The following ZFHX4 variants were observed in gnomAD, a reference collection of about 807,000 sequenced individuals.
ZFHX4 encodes zinc finger homeobox 4, also known as zinc finger homeobox protein 4.
A neutral mutation model predicts 267.6 loss-of-function variants in ZFHX4; 56 were observed. That is an observed-to-expected ratio of 0.21 (90% CI 0.17 to 0.26). The LOEUF (loss-of-function observed/expected upper bound fraction) is 0.26. Among genes scored for constraint, ZFHX4 ranks in the 10% least tolerant of loss-of-function variants. The probability of loss-of-function intolerance (pLI) is 1.00; values close to 1 mark genes in which losing one functional copy is unlikely to be tolerated. For missense variants in ZFHX4, 4,332 were observed against 4,420.0 expected (o/e 0.98, Z 0.56); for synonymous variants, 1,778 against 1,665.6 (o/e 1.07, Z -1.64).
intron 3 of ZFHX4, among the ~76,000 whole-genome samples, chr8:76,740,758 G>C (rs1042363474): frequency 1.3e-4 from 20 of 152,144 alleles, no homozygotes; most frequent in African/African-American, 4.8e-4. Flanking sequence ...GCTAGAAATA[G>C]GTGACAAAAG....
At chr8:76,792,718 A>G (rs1026176088) in intron 4 of ZFHX4, among the ~76,000 whole-genome samples, 2 of 152,190 alleles carry the variant, frequency 1.3e-5, no homozygotes, top group African/African-American at 4.8e-5. Context: ...CAAGGTGCCC[A>G]TGGCTGTATT....
At chr8:76,794,876 T>C (rs188903893) in intron 4 of ZFHX4, among the ~76,000 whole-genome samples, 2,823 of 113,844 alleles carry the variant, frequency 0.025, 153 homozygotes, top group East Asian at 0.19. Flanking sequence ...CCTGTCATTG[T>C]GTGTGTGTGT....
intron 4 of ZFHX4, among the ~76,000 whole-genome samples, chr8:76,802,687 G>A (rs533375633): frequency 2.0e-5 from 3 of 152,204 alleles, no homozygotes; most frequent in East Asian, 3.9e-4. Context: ...GCATTAAACC[G>A]AATGGTTACC....
intron 1 of ZFHX4, among the ~76,000 whole-genome samples, chr8:76,690,518 T>C (rs573586496): frequency 1.4e-3 from 217 of 152,182 alleles, no homozygotes; most frequent in Non-Finnish European, 1.4e-3. Flanking sequence ...AAACCTGAAA[T>C]ACTTTGCTAA....
chr8:76,801,942 G>A (rs191743255), intron 4 of ZFHX4, among the ~76,000 whole-genome samples: 26 of 152,220 alleles, frequency 1.7e-4, no homozygotes, highest in African/African-American at 5.3e-4. Context: ...GAGGAGATGG[G>A]CAGAGGAAAA....
chr8:76,790,704 C>T (rs940541599), intron 4 of ZFHX4, among the ~76,000 whole-genome samples: 2 of 152,078 alleles, frequency 1.3e-5, no homozygotes, highest in African/African-American at 2.4e-5. Flanking sequence ...TATTGAACTA[C>T]TATCATCAGT....
At chr8:76,840,975 G>C (rs1812219281) in intron 5 of ZFHX4, among the ~76,000 whole-genome samples, 2 of 152,170 alleles carry the variant, frequency 1.3e-5, no homozygotes, top group African/African-American at 4.8e-5. Flanking sequence ...CGCCAGAAGA[G>C]GTGTTGTTTC....
chr8:76,769,438 C>T (rs1218875848), intron 3 of ZFHX4, among the ~76,000 whole-genome samples: 1 of 151,992 alleles, frequency 6.6e-6, no homozygotes, highest in Non-Finnish European at 1.5e-5. Context: ...TGGCCTTGAC[C>T]TCCCAGGCTT....
At chr8:76,701,219 A>T (rs1212769901) in intron 1 of ZFHX4, among the ~76,000 whole-genome samples, 1 of 152,134 alleles carries the variant, frequency 6.6e-6, no homozygotes, top group Non-Finnish European at 1.5e-5. Context: ...AAAATTTTAA[A>T]ATCAAATAAT....
intron 4 of ZFHX4, among the ~76,000 whole-genome samples, chr8:76,804,223 A>C (rs945156367): frequency 5.9e-5 from 9 of 152,134 alleles, no homozygotes; most frequent in African/African-American, 2.2e-4. Context: ...CGTGAGGAAA[A>C]CAATCAAGGC....
chr8:76,791,334 T>C (rs1810830914), intron 4 of ZFHX4, among the ~76,000 whole-genome samples: 2 of 152,126 alleles, frequency 1.3e-5, no homozygotes, highest in Admixed American at 6.6e-5. Context: ...TCCTGGAACG[T>C]TAGCTGTTTC....
intron 3 of ZFHX4, among the ~76,000 whole-genome samples, chr8:76,711,220 G>A (rs1425203373): frequency 2.0e-5 from 3 of 152,002 alleles, no homozygotes; most frequent in African/African-American, 7.2e-5. Flanking sequence ...TTTTTTAAAA[G>A]CAATTTTGTT....
chr8:76,760,443 G>A (rs1260627613), intron 3 of ZFHX4, among the ~76,000 whole-genome samples: 1 of 152,132 alleles, frequency 6.6e-6, no homozygotes, highest in Non-Finnish European at 1.5e-5. Flanking sequence ...TTTCATGGAG[G>A]TACAGTTTGA....
intron 4 of ZFHX4, among the ~76,000 whole-genome samples, chr8:76,815,578 T>C (rs900572074): frequency 1.3e-5 from 2 of 152,170 alleles, no homozygotes; most frequent in South Asian, 4.1e-4. Flanking sequence ...CGTGACTCAC[T>C]GTAGCCTCGA....
At chr8:76,729,893 G>A (rs1016482232) in intron 3 of ZFHX4, among the ~76,000 whole-genome samples, 16 of 152,128 alleles carry the variant, frequency 1.1e-4, no homozygotes, top group African/African-American at 3.6e-4. Flanking sequence ...AATAGGAGCA[G>A]AATTTACTGA....
chr8:76,762,047 G>A (rs1464478705), intron 3 of ZFHX4, among the ~76,000 whole-genome samples: 1 of 152,122 alleles, frequency 6.6e-6, no homozygotes, highest in Non-Finnish European at 1.5e-5. Flanking sequence ...TCCTCTGGAG[G>A]ACAGCCAGTA....
chr8:76,708,206 A>AAATAT, intron 3 of ZFHX4, 158 bp downstream of exon 3: 1 of 897,210 alleles, frequency 1.1e-6, no homozygotes, highest in Non-Finnish European at 1.7e-6. Context: ...AAACATATTG[A>AAATAT]AATATATGGA....
rs770274276 is a variant in ZFHX4 at position 76,705,183 on chromosome 8, C to G, written c.1095C>G (p.Ser365Arg). 10 of 1,613,888 alleles carry G rather than the reference C, an allele frequency of 6.2e-6. No individual in the cohort carries two copies. Among genetic ancestry groups the G allele is most frequent in the Non-Finnish European group, 7.6e-6 (9 of 1,179,892 alleles). ...GPDPTFRGLW[S>R]AFHVENGDSL... ...ATCCAACCTTCCGCGGTTTATGGAG[C>G]GCTTTTCATGTTGAAAATGGTGACT... The change falls in exon 2 of 11, where the codon AGC (serine) becomes AGG (arginine). Residue 365 changes from serine to arginine, a missense_variant. Physicochemically the swap from Ser to Arg is moderately radical, Grantham distance 110. Transcript: ENST00000651372.
At chr8:76,821,331 A>G (rs1219222698) in intron 4 of ZFHX4, among the ~76,000 whole-genome samples, 1 of 152,064 alleles carries the variant, frequency 6.6e-6, no homozygotes, top group Non-Finnish European at 1.5e-5. Context: ...CACACTTGAC[A>G]TCTCCAGTTT....
Sources: gnomAD v4.1 joint callset for allele counts (sites outside exome capture counted in the v4.1 genomes callset) on GRCh38, gnomAD v4.1.1 for gene constraint, MANE v1.5 for transcripts, NCBI Gene and HGNC (gene_info 2026-07-23, HGNC 2026-07-21) for gene names.